Variants in INTS15 observed in about 807,000 individuals in gnomAD.
INTS15 encodes the protein integrator complex subunit 15.
the INTS15 span, chr7:6,602,096 T>C: frequency 6.2e-7 from 1 of 1,613,002 alleles, no homozygotes. Flanking sequence ...TCTCCTTAAT[T>C]GCAGATGACC....
chr7:6,604,548 A>G, the INTS15 span, among the ~76,000 whole-genome samples: 1 of 152,124 alleles, frequency 6.6e-6, no homozygotes, highest in African/African-American at 2.4e-5. Flanking sequence ...GCAGGCTTCC[A>G]GGGCAGGTGT....
chr7:6,592,574 A>G, the INTS15 span, among the ~76,000 whole-genome samples: 5 of 152,036 alleles, frequency 3.3e-5, no homozygotes, highest in Admixed American at 6.6e-5. Context: ...CTCAAAAAAA[A>G]AACTTTTTTT....
chr7:6,598,740 T>TGTGTGTGTGTGG, the INTS15 span, among the ~76,000 whole-genome samples: 1 of 86,176 alleles, frequency 1.2e-5, no homozygotes, highest in African/African-American at 7.3e-5. Context: ...ATGCTTTGTG[T>TGTGTGTGTGTGG]GTGTGTGTGT....
chr7:6,590,724 C>T, the INTS15 span, among the ~76,000 whole-genome samples: 1 of 152,178 alleles, frequency 6.6e-6, no homozygotes, highest in African/African-American at 2.4e-5. Flanking sequence ...GGCGACTGCC[C>T]GCTCCCTAGA....
chr7:6,602,797 C>G, the INTS15 span: 1 of 468,852 alleles, frequency 2.1e-6, no homozygotes, highest in African/African-American at 2.0e-5. Context: ...GAATCCGGGC[C>G]TTGCCACTTC....
chr7:6,597,610 T>TGG, the INTS15 span, among the ~76,000 whole-genome samples: 59 of 152,342 alleles, frequency 3.9e-4, 1 homozygote, highest in South Asian at 0.012. Flanking sequence ...TTTAAGTCAT[T>TGG]GGTTATTCCA....
At chr7:6,608,448 A>G in the INTS15 span, 1 of 1,298,770 alleles carries the variant, frequency 7.7e-7, no homozygotes, top group Non-Finnish European at 9.8e-7. Flanking sequence ...TTTCAGACAC[A>G]GCCTGTGTGG....
At chr7:6,606,110 A>G in the INTS15 span, among the ~76,000 whole-genome samples, 2 of 152,176 alleles carry the variant, frequency 1.3e-5, no homozygotes, top group Non-Finnish European at 2.9e-5. Flanking sequence ...AAATCATCAC[A>G]TGACCGAAAT....
chr7:6,592,027 C>T, the INTS15 span, among the ~76,000 whole-genome samples: 2 of 151,878 alleles, frequency 1.3e-5, no homozygotes, highest in African/African-American at 2.4e-5. Context: ...CAAAATTAGC[C>T]GGGCATGGTG....
the INTS15 span, chr7:6,608,559 G>A: frequency 9.1e-7 from 1 of 1,095,652 alleles, no homozygotes; most frequent in Non-Finnish European, 1.1e-6. Context: ...GGCTCCTTCT[G>A]CAGCCCCGTG....
the INTS15 span, chr7:6,590,608 C>T: frequency 7.2e-7 from 1 of 1,392,722 alleles, no homozygotes; most frequent in Non-Finnish European, 9.3e-7. Context: ...GGCCTCGCTC[C>T]TGCAGCAGCC....
At chr7:6,592,468 G>C in the INTS15 span, among the ~76,000 whole-genome samples, 13 of 151,784 alleles carry the variant, frequency 8.6e-5, 1 homozygote, top group South Asian at 2.3e-3. Context: ...TTGGGAGGCT[G>C]AGGCAGGAGA....
the INTS15 span, among the ~76,000 whole-genome samples, chr7:6,596,962 T>C: frequency 3.3e-5 from 5 of 151,990 alleles, no homozygotes; most frequent in African/African-American, 1.2e-4. Context: ...GTATTTTTAG[T>C]AGAGATGGGG....
chr7:6,602,150 C>G, the INTS15 span: 2 of 1,611,242 alleles, frequency 1.2e-6, no homozygotes, highest in African/African-American at 1.3e-5. Flanking sequence ...AGTAAGTATC[C>G]TCAGGACTCC....
the INTS15 span, among the ~76,000 whole-genome samples, chr7:6,601,116 A>G: frequency 6.6e-6 from 1 of 151,882 alleles, no homozygotes; most frequent in Non-Finnish European, 1.5e-5. Flanking sequence ...ACAAGTGTGT[A>G]CCACCACACC....
the INTS15 span, chr7:6,608,081 G>A: frequency 9.8e-6 from 8 of 816,224 alleles, no homozygotes; most frequent in South Asian, 1.5e-5. Flanking sequence ...GGCCCACCCC[G>A]CCGCCCACCC....
At chr7:6,590,888 G>T in the INTS15 span, among the ~76,000 whole-genome samples, 27 of 151,826 alleles carry the variant, frequency 1.8e-4, 1 homozygote, top group Admixed American at 1.3e-4. Flanking sequence ...GCCCAGGCAG[G>T]AGTGCAGTGG....
the INTS15 span, among the ~76,000 whole-genome samples, chr7:6,605,817 G>T: frequency 2.6e-5 from 4 of 152,028 alleles, no homozygotes; most frequent in African/African-American, 7.2e-5. Context: ...TCCTGCCTCA[G>T]CCTCCCGGAT....
chr7:6,607,771 C>T, the INTS15 span: 9 of 1,482,794 alleles, frequency 6.1e-6, no homozygotes, highest in Non-Finnish European at 7.1e-6. This position sits in a 1 kb window ranked among gnomAD's most constrained non-coding sequence, Gnocchi z 6.0. Context: ...CCCACTCCCA[C>T]GCATCCTCGC....
Sources: gnomAD v4.1 joint callset for allele counts (sites outside exome capture counted in the v4.1 genomes callset) on GRCh38, gnomAD v4.1.1 for gene constraint, Gnocchi (gnomAD v3.1) non-coding constraint, MANE v1.5 for transcripts, NCBI Gene and HGNC (gene_info 2026-07-23, HGNC 2026-07-21) for gene names.